The following FAT3 variants were observed in gnomAD, a reference collection of about 807,000 sequenced individuals.
FAT3 encodes the protein protocadherin Fat 3.
FAT3 carries 95 observed loss-of-function variants against 310.2 expected under a neutral mutation model. The observed-to-expected ratio is 0.31, with a 90% CI of 0.26 to 0.36. The LOEUF (loss-of-function observed/expected upper bound fraction) is 0.36. Ranked by LOEUF, FAT3 falls within the 10% of genes least tolerant of loss-of-function variation. The pLI is 1.00. For missense variants in FAT3, 5,408 were observed against 5,715.6 expected, an observed-to-expected ratio of 0.95 and a Z score of 1.74; for synonymous variants, 2,314 against 2,192.9, an observed-to-expected ratio of 1.06 and a Z score of -1.54.
At chr11:92,301,317 T>C (rs1441704173) in intron 1 of FAT3, among the ~76,000 whole-genome samples, 6 of 152,156 alleles carry the variant, frequency 3.9e-5, no homozygotes, top group Admixed American at 1.3e-4. Context: ...GAAAGGGCAC[T>C]ACAGTGGATA....
intron 2 of FAT3, among the ~76,000 whole-genome samples, chr11:92,369,070 C>G (rs1197317289): frequency 6.6e-6 from 1 of 152,014 alleles, no homozygotes; most frequent in Non-Finnish European, 1.5e-5. Flanking sequence ...TTAGACAGAT[C>G]TCTATACTGG....
At chr11:92,491,811 G>A (rs1365425905) in intron 2 of FAT3, among the ~76,000 whole-genome samples, 2 of 152,042 alleles carry the variant, frequency 1.3e-5, no homozygotes, top group Non-Finnish European at 2.9e-5. Flanking sequence ...GACTACTCTT[G>A]ATCGATGATA....
intron 3 of FAT3, among the ~76,000 whole-genome samples, chr11:92,674,207 A>C (rs1943216927): frequency 6.8e-6 from 1 of 147,316 alleles, no homozygotes; most frequent in South Asian, 2.1e-4. Context: ...TAATAATAAT[A>C]ATAATAATAA....
At chr11:92,382,693 T>A (rs1363509957) in intron 2 of FAT3, among the ~76,000 whole-genome samples, 1 of 152,240 alleles carries the variant, frequency 6.6e-6, no homozygotes, top group East Asian at 1.9e-4. Context: ...TTGAGATATC[T>A]ACAGTTCTAT....
intron 4 of FAT3, among the ~76,000 whole-genome samples, chr11:92,708,440 A>G (rs1944424511): frequency 6.6e-6 from 1 of 152,238 alleles, no homozygotes; most frequent in South Asian, 2.1e-4. Context: ...CTACAGCCAA[A>G]TTACTTAATC....
At chr11:92,336,538 T>C (rs753749171) in intron 1 of FAT3, 18 of 190,446 alleles carry the variant, frequency 9.5e-5, no homozygotes, top group Non-Finnish European at 1.6e-4. Context: ...ATAGACTCTA[T>C]GTGGATTTTA....
intron 1 of FAT3, among the ~76,000 whole-genome samples, chr11:92,231,307 T>C (rs1376506060): frequency 1.3e-5 from 2 of 152,166 alleles, no homozygotes; most frequent in African/African-American, 4.8e-5. Flanking sequence ...GTTGCTTGGT[T>C]TTTTACCTTA....
intron 3 of FAT3, among the ~76,000 whole-genome samples, chr11:92,658,635 T>A (rs1242097941): frequency 6.6e-6 from 1 of 152,228 alleles, no homozygotes; most frequent in African/African-American, 2.4e-5. Context: ...TAGAGGCTGC[T>A]GACTCCGTAC....
chr11:92,351,756 G>A (rs1357251362), intron 1 of FAT3, among the ~76,000 whole-genome samples: 1 of 152,110 alleles, frequency 6.6e-6, no homozygotes, highest in East Asian at 1.9e-4. Flanking sequence ...CTAAGTCAAA[G>A]GTAAATGCAC....
intron 3 of FAT3, among the ~76,000 whole-genome samples, chr11:92,561,571 C>T (rs550112513): frequency 1.6e-4 from 24 of 152,052 alleles, no homozygotes; most frequent in African/African-American, 4.1e-4. Flanking sequence ...TTGTTTCAAA[C>T]TGGCATCAAC....
At chr11:92,286,634 T>C (rs1410944336) in intron 1 of FAT3, among the ~76,000 whole-genome samples, 1 of 152,208 alleles carries the variant, frequency 6.6e-6, no homozygotes, top group Non-Finnish European at 1.5e-5. Context: ...TAATAATACA[T>C]AACACATTTA....
chr11:92,873,611 A>C (rs1949448609), intron 22 of FAT3, among the ~76,000 whole-genome samples: 1 of 152,244 alleles, frequency 6.6e-6, no homozygotes, highest in Non-Finnish European at 1.5e-5. Context: ...AGCCCAAATT[A>C]ATGCTATAAT....
At chr11:92,341,023 T>C (rs1232632543) in intron 1 of FAT3, among the ~76,000 whole-genome samples, 1 of 152,176 alleles carries the variant, frequency 6.6e-6, no homozygotes, top group Non-Finnish European at 1.5e-5. Context: ...AGCATTCTAC[T>C]CAGGCCAACT....
intron 13 of FAT3, among the ~76,000 whole-genome samples, chr11:92,820,250 C>T (rs1947927716): frequency 6.6e-6 from 1 of 152,116 alleles, no homozygotes; most frequent in Non-Finnish European, 1.5e-5. Flanking sequence ...CCAGGGCTCT[C>T]TCCTTGGTTT....
At chr11:92,261,389 G>A (rs1234045156) in intron 1 of FAT3, among the ~76,000 whole-genome samples, 1 of 152,094 alleles carries the variant, frequency 6.6e-6, no homozygotes, top group Non-Finnish European at 1.5e-5. Context: ...TAGACTGAAT[G>A]AATTAAAACT....
In FAT3 at chr11:92,878,634, T is replaced by TAAAAA. The variant is rs145900689; in HGVS notation, c.12128-2068_12128-2064dup. 2.7e-3 allele frequency among the ~76,000 whole-genome samples: 57 copies of TAAAAA among 21,140 alleles called. 1 individual carries two copies. The highest frequency in any genetic ancestry group is 3.3e-3 in the Non-Finnish European group (32 of 9,620). 13.9% of individuals were successfully genotyped at this position (21,140 alleles called of 152,430 possible). On this transcript the variant is annotated intron_variant, in intron 22 of 27. Coordinates refer to ENST00000525166, the MANE Select transcript of FAT3 (RefSeq NM_001367949.2). Reference sequence around the variant, plus strand: ...AACACAGGAGCAGGATGTTATGTGTTAAAAAAAAAAAAAAAAAAAAAAAAA... The same window carrying TAAAAA: ...AACACAGGAGCAGGATGTTATGTGTTAAAAAAAAAAAAAAAAAAAAAAAAAAAAAA...
chr11:92,462,195 G>T (rs1591321041), intron 2 of FAT3, among the ~76,000 whole-genome samples: 1 of 152,018 alleles, frequency 6.6e-6, no homozygotes, highest in African/African-American at 2.4e-5. Context: ...TAGGTTCAGG[G>T]AGTACATGTG....
At chr11:92,341,840 A>G (rs1386507413) in intron 1 of FAT3, among the ~76,000 whole-genome samples, 2 of 152,092 alleles carry the variant, frequency 1.3e-5, no homozygotes. Context: ...TATTTCTTGC[A>G]TAATTATTTT....
At position 92,844,468 on chromosome 11, in the gene FAT3, A is replaced by T. The variant is rs1045969850; in HGVS notation, c.11101A>T (p.Met3701Leu). Residue 3701 changes from methionine (M) to leucine (L), a missense_variant, in exon 19 of 28, where the codon ATG becomes TTG. Coordinates refer to ENST00000525166, the MANE Select transcript of FAT3 (RefSeq NM_001367949.2). ...CGTGGCAGGCACCAACCAACTGGAC[A>T]TGCTGTTTGCGGTGGAGATGCACAG... is the stretch of plus-strand genomic sequence containing the variant. ...QPVAGTNQLD[M>L]LFAVEMHSSE... The T allele has an allele frequency of 1.9e-6, 3 of 1,614,000 alleles. No individual in the cohort carries two copies. Among genetic ancestry groups the T allele is most frequent in the African/African-American group, 1.3e-5 (1 of 75,078 alleles).
Sources: allele counts gnomAD v4.1 joint callset (sites outside exome capture counted in the v4.1 genomes callset), GRCh38; gene constraint gnomAD v4.1.1; transcripts MANE v1.5; gene names NCBI Gene and HGNC (gene_info 2026-07-23, HGNC 2026-07-21).